Variants in CPZ observed in about 807,000 individuals in gnomAD.
CPZ encodes VEZT/CPZ fusion.
Under a neutral mutation model 61.8 loss-of-function variants are expected in CPZ, and 103 were observed. The ratio of observed to expected loss-of-function variants is 1.67; its 90% CI spans 1.42 to 1.96. The LOEUF is 1.96. Among genes scored for constraint, CPZ ranks in the 30% most tolerant of loss-of-function variants. The pLI, the probability that CPZ is intolerant of heterozygous loss-of-function variation, is 0.00. For missense variants in CPZ, 1,461 were observed against 914.9 expected (o/e 1.60, Z -7.70); for synonymous variants, 551 against 373.7 (o/e 1.47, Z -5.47).
intron 9 of CPZ, among the ~76,000 whole-genome samples, chr4:8,617,243 G>A (rs527954842): frequency 6.6e-6 from 1 of 152,344 alleles, no homozygotes; most frequent in East Asian, 1.9e-4. Context: ...AGCCAGAGCT[G>A]CTTTGGCCTC....
chr4:8,619,668 T>C lies in CPZ; in HGVS notation c.*51T>C. The C allele has an allele frequency of 7.5e-7, 1 of 1,335,476 alleles. No homozygotes were observed. The highest frequency in any genetic ancestry group is 9.9e-7 in the Non-Finnish European group (1 of 1,007,834). The allele number at this position is 1,335,476 out of a possible 1,614,324, so 82.7% of individuals were successfully genotyped here. On this transcript the variant is annotated 3_prime_UTR_variant, in exon 11 of 11. Transcript: ENST00000360986. ...GTGGAGACCGAGGCCCATCTCCGCA[T>C]CCCGGGCTCCTGGCTCTTGATTTTG... is the stretch of plus-strand genomic sequence containing the variant.
chr4:8,614,826 T>TG (rs769498201), intron 9 of CPZ, among the ~76,000 whole-genome samples: 39 of 151,952 alleles, frequency 2.6e-4, no homozygotes, highest in East Asian at 1.6e-3. Flanking sequence ...CCTCAGAGGC[T>TG]GGGGGGGCTT....
intron 2 of CPZ, among the ~76,000 whole-genome samples, chr4:8,600,739 T>C (rs1031874070): frequency 4.6e-5 from 7 of 152,252 alleles, no homozygotes; most frequent in Admixed American, 3.9e-4. Flanking sequence ...AAGCAGGATG[T>C]GTCTTTTGGG....
At chr4:8,618,927 G>A (rs9683657) in intron 10 of CPZ, among the ~76,000 whole-genome samples, 15,531 of 151,008 alleles carry the variant, frequency 0.1, 1,017 homozygotes, top group South Asian at 0.17. Context: ...TTTCACAGCC[G>A]ATGAAAAATG....
intron 7 of CPZ, 116 bp downstream of exon 7, chr4:8,607,541 CAG>C (rs1172825079): frequency 1.6e-6 from 2 of 1,215,602 alleles, no homozygotes; most frequent in Non-Finnish European, 2.3e-6. Context: ...AACCTCTACT[CAG>C]AGCGGGTCAG....
Position 8,612,105 on chromosome 4 carries a change from A to C in CPZ, c.1306A>C (p.Asn436His), listed in dbSNP as rs142138237. The C allele has an allele frequency of 1.4e-5, 22 of 1,606,596 alleles. No homozygotes were observed. The highest frequency in any genetic ancestry group is 1.8e-5 in the Non-Finnish European group (21 of 1,175,844). The stretch of plus-strand genomic sequence containing the variant: ...CAGGTCGGAGAATAGGTGTGGAGGC[A>C]ATTTCCTGAAGAGGGGGAGCATCAT... ...MDRSENRCGG[N>H]FLKRGSIING... Residue 436 changes from asparagine to histidine, a missense_variant, in exon 8 of 11, where the codon AAT becomes CAT. Physicochemically the swap from Asn to His is moderately conservative, Grantham distance 68. Transcript: ENST00000360986.
intron 7 of CPZ, among the ~76,000 whole-genome samples, chr4:8,609,148 C>CCATT (rs71175493): frequency 0.082 from 9,358 of 114,596 alleles, 1,133 homozygotes; most frequent in Middle Eastern, 0.14. Flanking sequence ...ACTCATTCAC[C>CCATT]CACTCCCTCA....
intron 4 of CPZ, among the ~76,000 whole-genome samples, chr4:8,605,721 C>T (rs963288989): frequency 6.0e-5 from 9 of 149,036 alleles, no homozygotes; most frequent in African/African-American, 2.3e-4. Context: ...GAAGAGAGAC[C>T]ATCAGTTAAA....
rs1714543229 is a variant in CPZ at position 8,601,114 on chromosome 4, C to A, written c.122-9C>A. The A allele has an allele frequency of 6.4e-7, 1 of 1,558,994 alleles. No homozygotes were observed. Among genetic ancestry groups the A allele is most frequent in the Non-Finnish European group, 8.7e-7 (1 of 1,146,792 alleles). On this transcript the variant is annotated splice_polypyrimidine_tract_variant and intron_variant, in intron 2 of 10. Coordinates refer to ENST00000360986, the MANE Select transcript of CPZ (RefSeq NM_001014447.3). ...AGGAGGGACTGACCTGCCGACCCTG[C>A]CTCCCCAGCCACCTGCGTGGACCTG...
intron 8 of CPZ, among the ~76,000 whole-genome samples, chr4:8,613,630 T>TGGGTGCTATCATCC (rs1715904503): frequency 1.3e-5 from 2 of 152,192 alleles, no homozygotes. Flanking sequence ...GCCAGCCCTG[T>TGGGTGCTATCATCC]GGGTGCTATC....
chr4:8,613,420 G>A (rs1213369825), intron 8 of CPZ, among the ~76,000 whole-genome samples: 2 of 152,230 alleles, frequency 1.3e-5, no homozygotes, highest in Non-Finnish European at 2.9e-5. Flanking sequence ...GTGAGCCACT[G>A]CACCTGGCCT....
intron 5 of CPZ, 113 bp from the exon 6 acceptor site, chr4:8,606,624 C>CG (rs1185379170): frequency 2.2e-6 from 3 of 1,358,892 alleles, no homozygotes; most frequent in South Asian, 2.5e-5. Flanking sequence ...CACATAAAGC[C>CG]GGGGGAAACC....
intron 7 of CPZ, among the ~76,000 whole-genome samples, chr4:8,608,941 C>G (rs1056314035): frequency 1.3e-5 from 2 of 150,570 alleles, no homozygotes; most frequent in Non-Finnish European, 3.0e-5. Flanking sequence ...GACAGCAACA[C>G]CTGGGCCACC....
At chr4:8,595,108 A>T (rs559043243) in intron 1 of CPZ, among the ~76,000 whole-genome samples, 3 of 152,236 alleles carry the variant, frequency 2.0e-5, no homozygotes, top group Non-Finnish European at 4.4e-5. Context: ...TGTCCAAAAT[A>T]TTCCAGCATT....
chr4:8,604,617 G>A (rs1714803108), intron 4 of CPZ, among the ~76,000 whole-genome samples: 1 of 152,148 alleles, frequency 6.6e-6, no homozygotes, highest in African/African-American at 2.4e-5. Context: ...GAGTAGCCGG[G>A]ACTCCAGGCA....
At chr4:8,617,434 G>A (rs1013239758) in intron 9 of CPZ, among the ~76,000 whole-genome samples, 4 of 152,184 alleles carry the variant, frequency 2.6e-5, no homozygotes, top group African/African-American at 9.7e-5. Flanking sequence ...TGACCCTGTG[G>A]GCCCAGGCTC....
At chr4:8,595,093 C>T (rs2109309414) in intron 1 of CPZ, among the ~76,000 whole-genome samples, 1 of 152,330 alleles carries the variant, frequency 6.6e-6, no homozygotes, top group Non-Finnish European at 1.5e-5. Flanking sequence ...CTATTTAACC[C>T]AATATGTCCA....
intron 7 of CPZ, among the ~76,000 whole-genome samples, chr4:8,609,160 T>C (rs1294595345): frequency 1.2e-4 from 16 of 137,200 alleles, no homozygotes; most frequent in Admixed American, 9.2e-4. Context: ...ACTCCCTCAC[T>C]CATTCACTCA....
At chr4:8,609,220 T>TCAGGCA (rs1297809310) in intron 7 of CPZ, among the ~76,000 whole-genome samples, 1 of 47,498 alleles carries the variant, frequency 2.1e-5, no homozygotes, top group Non-Finnish European at 5.3e-5. Context: ...ACTCATTCAC[T>TCAGGCA]TACTCACTCA....
Sources: gnomAD v4.1 joint callset for allele counts (sites outside exome capture counted in the v4.1 genomes callset) on GRCh38, gnomAD v4.1.1 for gene constraint, MANE v1.5 for transcripts, NCBI Gene and HGNC (gene_info 2026-07-23, HGNC 2026-07-21) for gene names.